Variants in LRP2 observed in about 807,000 individuals in gnomAD.
The protein encoded by LRP2 is low-density lipoprotein receptor-related protein 2.
LRP2 carries 172 observed loss-of-function variants against 531.0 expected under a neutral mutation model. That is an observed-to-expected ratio of 0.32 (90% CI 0.29 to 0.37). The LOEUF (loss-of-function observed/expected upper bound fraction) is 0.37. LRP2 is among the 10% of genes least tolerant of loss of function. The probability of loss-of-function intolerance (pLI) is 1.00; values close to 1 mark genes in which losing one functional copy is unlikely to be tolerated. For missense variants in LRP2, 5,167 were observed against 5,868.3 expected (o/e 0.88, Z 3.90); for synonymous variants, 1,992 against 2,027.6 (o/e 0.98, Z 0.47).
At chr2:169,152,195 C>T (rs1338645993) in intron 67 of LRP2, among the ~76,000 whole-genome samples, 1 of 152,182 alleles carries the variant, frequency 6.6e-6, no homozygotes, top group Non-Finnish European at 1.5e-5. Context: ...AAATGTGTGG[C>T]TCTGGTCCCT....
At chr2:169,257,575 C>T (rs1016562089) in intron 17 of LRP2, among the ~76,000 whole-genome samples, 7 of 151,992 alleles carry the variant, frequency 4.6e-5, no homozygotes, top group East Asian at 1.9e-4. Context: ...AAATATTCCA[C>T]GTTATTAAAA....
At chr2:169,130,436 T>C (rs142961022) in intron 77 of LRP2, among the ~76,000 whole-genome samples, 1,617 of 152,080 alleles carry the variant, frequency 0.011, 31 homozygotes, top group African/African-American at 0.036. Context: ...TACAGGCATA[T>C]GCCACCACAC....
Position 169,144,329 on chromosome 2 carries a change from AG to A in LRP2, c.12988+1417del, listed in dbSNP as rs1247140682. On this transcript the variant is annotated intron_variant, in intron 70 of 78. Transcript: ENST00000649046. Reference sequence around the variant, plus strand: ...TAATTCTGAGGCATGCTCAACTTTCAGAACTCTTGGTTCAAACAGGCTGGGC... The same window carrying A: ...TAATTCTGAGGCATGCTCAACTTTCAAACTCTTGGTTCAAACAGGCTGGGC... 2.6e-5 allele frequency among the ~76,000 whole-genome samples: 4 copies of A among 152,310 alleles called. 1 individual carries two copies. The East Asian group carries it at 7.7e-4, about 29-fold the overall frequency.
chr2:169,168,342 A>G (rs1686865170), intron 61 of LRP2, among the ~76,000 whole-genome samples, 197 bp downstream of exon 61: 1 of 152,138 alleles, frequency 6.6e-6, no homozygotes, highest in African/African-American at 2.4e-5. Flanking sequence ...ATTTAAAAAC[A>G]TGGAGGTTTT....
At chr2:169,272,028 T>C (rs79757055) in intron 15 of LRP2, among the ~76,000 whole-genome samples, 2,706 of 152,206 alleles carry the variant, frequency 0.018, 76 homozygotes, top group African/African-American at 0.059. Flanking sequence ...GATATAATAG[T>C]TAGAAATACA....
chr2:169,200,382 G>C (rs1484562971), intron 44 of LRP2, among the ~76,000 whole-genome samples: 1 of 152,188 alleles, frequency 6.6e-6, no homozygotes, highest in African/African-American at 2.4e-5. Flanking sequence ...GTACCACAAA[G>C]GGAATGAGGT....
At position 169,240,968 on chromosome 2, in the gene LRP2, A is replaced by G. The variant is rs202173572; in HGVS notation, c.4045+20T>C. On this transcript the variant is annotated intron_variant, in intron 25 of 78. Transcript: ENST00000649046. ...TTCAGAATGAGTTTATGGCCAGTAAACTGTGGTCAGGAAACTTACTGCAAA... is the reference window on the plus strand; with the variant it reads ...TTCAGAATGAGTTTATGGCCAGTAAGCTGTGGTCAGGAAACTTACTGCAAA... 2.4e-4 allele frequency: 391 copies of G among 1,608,850 alleles called. 1 individual carries two copies. Among genetic ancestry groups the G allele is most frequent in the Non-Finnish European group, 3.1e-4 (360 of 1,179,980 alleles).
rs764132183 is a variant in LRP2, at chr2:169,207,008, C to T, written c.6712G>A (p.Gly2238Ser). The T allele has an allele frequency of 2.5e-6, 4 of 1,614,032 alleles. No homozygotes were observed. Among genetic ancestry groups the T allele is most frequent in the Admixed American group, 3.3e-5 (2 of 59,980 alleles). Residue 2238 changes from glycine (G) to serine (S), a missense_variant, in exon 39 of 79, where the codon GGC (glycine) becomes AGC (serine). By Grantham distance (56) the Gly-to-Ser change is moderately conservative. Transcript: ENST00000649046. ...LVSEGIVTPR[G>S]LAVDRSDGYV... Reference sequence around the variant, plus strand: ...CCATCACTTCGGTCCACTGCCAAGCCCCGTGGTGTGACAATGCCCTCTGAC... The same window carrying T: ...CCATCACTTCGGTCCACTGCCAAGCTCCGTGGTGTGACAATGCCCTCTGAC...
chr2:169,321,165 T>C (rs1038064686), intron 1 of LRP2, among the ~76,000 whole-genome samples: 1 of 152,232 alleles, frequency 6.6e-6, no homozygotes, highest in African/African-American at 2.4e-5. Flanking sequence ...TTAAAAATAC[T>C]TGATCTTTAA....
chr2:169,144,656 T>G (rs556892843), intron 70 of LRP2, among the ~76,000 whole-genome samples: 1 of 152,318 alleles, frequency 6.6e-6, no homozygotes, highest in African/African-American at 2.4e-5. Flanking sequence ...TGGAGTGTTT[T>G]GGTGATATAC....
Position 169,226,469 on chromosome 2 carries a change from C to T in LRP2, c.5347G>A (p.Val1783Ile), listed in dbSNP as rs746373012. 6.2e-6 allele frequency: 10 copies of T among 1,613,868 alleles called. No individual in the cohort carries two copies. In the South Asian group the frequency reaches 1.1e-4, roughly 18 times the overall value. The change falls in exon 32 of 79, where the codon GTT (valine) becomes ATT (isoleucine). Residue 1783 changes from valine (V) to isoleucine (I), a missense_variant. Coordinates refer to ENST00000649046, the MANE Select transcript of LRP2 (RefSeq NM_004525.3). ...PIAGIQNGLD[V>I]EFDDAEQYIY... ...TATTGCTCAGCATCATCAAATTCAACATCTAAACCATTCTGTATCCCTGCT... is the reference window on the plus strand; with the variant it reads ...TATTGCTCAGCATCATCAAATTCAATATCTAAACCATTCTGTATCCCTGCT...
chr2:169,174,760 TC>T (rs1417393086), intron 55 of LRP2, among the ~76,000 whole-genome samples: 3 of 149,418 alleles, frequency 2.0e-5, no homozygotes, highest in Non-Finnish European at 4.5e-5. Context: ...TCGACCTGCC[TC>T]AGCCTCCCAA....
chr2:169,293,470 G>A (rs2105471103), intron 6 of LRP2, among the ~76,000 whole-genome samples: 1 of 152,230 alleles, frequency 6.6e-6, no homozygotes, highest in Middle Eastern at 3.4e-3. Context: ...GAGATCAGGA[G>A]TTCGAGACCA....
chr2:169,330,272 T>C (rs1468224519), intron 1 of LRP2, among the ~76,000 whole-genome samples: 4 of 152,202 alleles, frequency 2.6e-5, no homozygotes, highest in Non-Finnish European at 4.4e-5. Flanking sequence ...GCTCTCAAGA[T>C]AGTTGATCTC....
chr2:169,260,564 C>T (rs771720695), intron 16 of LRP2, among the ~76,000 whole-genome samples: 4 of 151,946 alleles, frequency 2.6e-5, no homozygotes, highest in South Asian at 2.1e-4. Flanking sequence ...ATCCAGGTGA[C>T]GTATCCAAAA....
intron 1 of LRP2, among the ~76,000 whole-genome samples, chr2:169,329,461 G>A (rs1171458348): frequency 6.6e-6 from 1 of 152,220 alleles, no homozygotes; most frequent in African/African-American, 2.4e-5. Context: ...TGACCTCTTG[G>A]AGAGTGGTAG....
At chr2:169,214,200 G>A (rs909088369) in intron 35 of LRP2, among the ~76,000 whole-genome samples, 2 of 152,114 alleles carry the variant, frequency 1.3e-5, no homozygotes, top group Non-Finnish European at 2.9e-5. Context: ...ACATCTAAGC[G>A]TGGGCCATTG....
At chr2:169,238,038 A>AG in intron 27 of LRP2, 53 bp downstream of exon 27, 1 of 1,499,994 alleles carries the variant, frequency 6.7e-7, no homozygotes, top group Middle Eastern at 1.7e-4. Context: ...AACAGCAAAC[A>AG]GACCCAAGAC....
At chr2:169,267,487 A>C (rs1056630906) in intron 16 of LRP2, among the ~76,000 whole-genome samples, 1 of 152,208 alleles carries the variant, frequency 6.6e-6, no homozygotes, top group Admixed American at 6.5e-5. Context: ...AAACTGAACA[A>C]CGTGCTCCTG....
Sources: allele counts gnomAD v4.1 joint callset (sites outside exome capture counted in the v4.1 genomes callset), GRCh38; gene constraint gnomAD v4.1.1; transcripts MANE v1.5; gene names NCBI Gene and HGNC (gene_info 2026-07-23, HGNC 2026-07-21).